Variants in MYMX observed in about 807,000 individuals in gnomAD.
MYMX encodes protein myomixer.
the MYMX span, among the ~76,000 whole-genome samples, chr6:44,201,697 G>A: frequency 6.6e-6 from 1 of 152,190 alleles, no homozygotes; most frequent in Non-Finnish European, 1.5e-5. Context: ...ACATAAGGGT[G>A]GAAGGAAGGA....
chr6:44,202,204 T>C, the MYMX span, among the ~76,000 whole-genome samples: 1 of 152,142 alleles, frequency 6.6e-6, no homozygotes, highest in African/African-American at 2.4e-5. Context: ...GGTGTGTCTG[T>C]CCTCTTCACC....
At chr6:44,210,798 T>G in the MYMX span, among the ~76,000 whole-genome samples, 5 of 152,238 alleles carry the variant, frequency 3.3e-5, no homozygotes, top group Non-Finnish European at 7.3e-5. Flanking sequence ...TAGAGATAGT[T>G]GGGTCTGTTA....
At chr6:44,215,513 C>T (rs1775811912), upstream of MYMX, among the ~76,000 whole-genome samples, 1 of 152,124 alleles carries the variant, frequency 6.6e-6, no homozygotes, top group African/African-American at 2.4e-5. Flanking sequence ...GTTGAGGCTG[C>T]AGTGAGACAT....
the MYMX span, among the ~76,000 whole-genome samples, chr6:44,202,579 T>C: frequency 1.3e-5 from 2 of 152,176 alleles, no homozygotes; most frequent in East Asian, 3.8e-4. Context: ...AACTGCTCCC[T>C]GGCGGCTTTG....
upstream of MYMX, among the ~76,000 whole-genome samples, chr6:44,212,123 C>T (rs1213731227): frequency 6.6e-6 from 1 of 152,040 alleles, no homozygotes; most frequent in East Asian, 1.9e-4. Context: ...TGGATCATGC[C>T]TGTAATTCCA....
chr6:44,217,471 C>T lies in MYMX; in HGVS notation c.-1C>T, dbSNP rs1234042726. On this transcript the variant is annotated 5_prime_UTR_variant, in exon 2 of 2. Transcript: ENST00000573382. ...CCAGGCACTGACTCACTGGCCCTGC[C>T]ATGCCCACGCCACTGCTCCCGCTGC... The T allele has an allele frequency of 5.0e-6, 2 of 402,588 alleles. No individual in the cohort carries two copies. The highest frequency in any genetic ancestry group is 8.8e-5 in the Admixed American group (2 of 22,736). The allele number at this position is 402,588 out of a possible 1,614,324, so 24.9% of individuals were successfully genotyped here. A position where few individuals can be genotyped will look rare whatever the true frequency, so the allele number is the denominator to read the frequency against.
At chr6:44,212,052 A>T (rs1775615993), upstream of MYMX, among the ~76,000 whole-genome samples, 1 of 152,038 alleles carries the variant, frequency 6.6e-6, no homozygotes, top group Non-Finnish European at 1.5e-5. Context: ...CTGAGACTAT[A>T]GGCATGTAGC....
chr6:44,201,597 G>T, the MYMX span, among the ~76,000 whole-genome samples: 730 of 152,272 alleles, frequency 4.8e-3, 17 homozygotes, highest in Admixed American at 0.034. Context: ...CATTAACAGA[G>T]CCCCAGCCTC....
At chr6:44,207,259 C>T in the MYMX span, among the ~76,000 whole-genome samples, 3 of 151,748 alleles carry the variant, frequency 2.0e-5, no homozygotes, top group Admixed American at 6.6e-5. Flanking sequence ...CCCAGGTTCA[C>T]GCCATTCTCC....
chr6:44,199,951 T>C, the MYMX span, among the ~76,000 whole-genome samples: 1 of 152,036 alleles, frequency 6.6e-6, no homozygotes, highest in Non-Finnish European at 1.5e-5. Flanking sequence ...TCCTAAAGTG[T>C]TGGGATTACA....
chr6:44,216,836 G>A (rs535337129), upstream of MYMX: 1 of 152,520 alleles, frequency 6.6e-6, no homozygotes, highest in African/African-American at 2.4e-5. Flanking sequence ...TTTCTTCATT[G>A]TTCCCCAACC....
the MYMX span, among the ~76,000 whole-genome samples, chr6:44,194,526 C>T: frequency 6.6e-6 from 1 of 152,202 alleles, no homozygotes; most frequent in African/African-American, 2.4e-5. Context: ...CATCCTGTTC[C>T]ACTCCCTTGA....
At chr6:44,214,664 C>T (rs1186221329), upstream of MYMX, among the ~76,000 whole-genome samples, 2 of 152,142 alleles carry the variant, frequency 1.3e-5, no homozygotes, top group Admixed American at 1.3e-4. Context: ...CCTCTGTCTC[C>T]CGGGTTCAAG....
chr6:44,214,348 A>G (rs1775751572), upstream of MYMX, among the ~76,000 whole-genome samples: 1 of 152,210 alleles, frequency 6.6e-6, no homozygotes, highest in Non-Finnish European at 1.5e-5. Flanking sequence ...GGAAGAGAGG[A>G]GTCAAGAATA....
At chr6:44,213,699 C>T (rs866174329), upstream of MYMX, among the ~76,000 whole-genome samples, 4 of 152,198 alleles carry the variant, frequency 2.6e-5, no homozygotes, top group Admixed American at 6.5e-5. Flanking sequence ...GGATTACAGG[C>T]GTGAGCCACT....
the MYMX span, among the ~76,000 whole-genome samples, chr6:44,202,213 C>A: frequency 6.6e-6 from 1 of 152,260 alleles, no homozygotes; most frequent in South Asian, 2.1e-4. Context: ...GTCCTCTTCA[C>A]CATTGACCCA....
chr6:44,194,492 T>C, the MYMX span, among the ~76,000 whole-genome samples: 1 of 151,980 alleles, frequency 6.6e-6, no homozygotes, highest in South Asian at 2.1e-4. Context: ...CGTGGCAAGG[T>C]CACCCCCAGC....
At chr6:44,194,006 C>T in the MYMX span, among the ~76,000 whole-genome samples, 1 of 151,954 alleles carries the variant, frequency 6.6e-6, no homozygotes, top group African/African-American at 2.4e-5. Flanking sequence ...AAGTAATTTC[C>T]ATAGGTAGAG....
chr6:44,201,770 CTTTA>C, the MYMX span, among the ~76,000 whole-genome samples: 6 of 152,210 alleles, frequency 3.9e-5, no homozygotes, highest in Non-Finnish European at 8.8e-5. Context: ...CTCCTCATCT[CTTTA>C]TCTGGTCAGC....
Sources: allele counts gnomAD v4.1 joint callset (sites outside exome capture counted in the v4.1 genomes callset), GRCh38; gene constraint gnomAD v4.1.1; transcripts MANE v1.5; gene names NCBI Gene and HGNC (gene_info 2026-07-23, HGNC 2026-07-21).